Variants in RCSD1 observed in about 807,000 individuals in gnomAD.
RCSD1 encodes the protein capZ-interacting protein.
Under a neutral mutation model 42.5 loss-of-function variants are expected in RCSD1, and 26 were observed. The observed-to-expected ratio is 0.61, with a 90% CI of 0.45 to 0.85. RCSD1 has a LOEUF of 0.85. Ranked by LOEUF, RCSD1 falls within the 40% of genes least tolerant of loss-of-function variation. The pLI is 0.00. For synonymous variants in RCSD1, 220 were observed against 212.2 expected, an observed-to-expected ratio of 1.04 and a Z score of -0.32; for missense variants, 571 against 528.3, an observed-to-expected ratio of 1.08 and a Z score of -0.79.
At chr1:167,668,967 G>T (rs1005244757) in intron 1 of RCSD1, among the ~76,000 whole-genome samples, 1 of 152,174 alleles carries the variant, frequency 6.6e-6, no homozygotes, top group African/African-American at 2.4e-5. Flanking sequence ...ACAGATTTGT[G>T]AATTCAGTAA....
At position 167,708,432 on chromosome 1, in the gene RCSD1, T is replaced by C. The variant is rs1283835937; in HGVS notation, c.*3736T>C. Among the ~76,000 whole-genome samples the C allele has an allele frequency of 6.6e-6, 1 of 152,218 alleles. No homozygotes were observed. Among genetic ancestry groups the C allele is most frequent in the Non-Finnish European group, 1.5e-5 (1 of 68,036 alleles). ...CTCGATGGACCACGTGAAAAAAGGA[T>C]AAACAATGTCTCTATATAATGCATG... On this transcript the variant is annotated 3_prime_UTR_variant, in exon 7 of 7. Transcript: ENST00000367854.
intron 1 of RCSD1, among the ~76,000 whole-genome samples, chr1:167,655,086 G>T (rs767624478): frequency 2.0e-5 from 3 of 152,142 alleles, no homozygotes; most frequent in African/African-American, 7.2e-5. Flanking sequence ...TCTTGTTTCC[G>T]AAGCTGGATG....
intron 1 of RCSD1, among the ~76,000 whole-genome samples, chr1:167,668,224 G>A (rs1658707447): frequency 6.6e-6 from 1 of 151,954 alleles, no homozygotes; most frequent in Non-Finnish European, 1.5e-5. Context: ...GGCGGAGGTT[G>A]CAGTAAGCTG....
intron 1 of RCSD1, 67 bp downstream of exon 1, chr1:167,630,496 G>A (rs1571660568): frequency 1.2e-5 from 18 of 1,458,262 alleles, no homozygotes; most frequent in African/African-American, 1.0e-4. Context: ...CCTTCCCCGG[G>A]CGGCTGCCCC....
intron 5 of RCSD1, among the ~76,000 whole-genome samples, chr1:167,695,598 G>C (rs1659480291): frequency 6.7e-6 from 1 of 150,022 alleles, no homozygotes; most frequent in Non-Finnish European, 1.5e-5. Context: ...GAGTGCAGTG[G>C]TGCGATATTG....
chr1:167,672,879 C>A (rs909742439), intron 1 of RCSD1, among the ~76,000 whole-genome samples: 3 of 152,128 alleles, frequency 2.0e-5, no homozygotes, highest in Non-Finnish European at 2.9e-5. Context: ...AGGTATAGAC[C>A]ATGCTCATCC....
At chr1:167,690,992 CAG>C in intron 4 of RCSD1, among the ~76,000 whole-genome samples, 1 of 152,304 alleles carries the variant, frequency 6.6e-6, no homozygotes, top group Middle Eastern at 3.4e-3. Flanking sequence ...CTTGTGGAGA[CAG>C]AGCTTTCACA....
chr1:167,644,789 G>C (rs76070826), intron 1 of RCSD1, among the ~76,000 whole-genome samples: 29 of 152,176 alleles, frequency 1.9e-4, no homozygotes, highest in African/African-American at 4.8e-5. Context: ...AAACAGCTGC[G>C]GGGATTGGAC....
At chr1:167,656,383 C>T (rs1456625034) in intron 1 of RCSD1, among the ~76,000 whole-genome samples, 1 of 152,200 alleles carries the variant, frequency 6.6e-6, no homozygotes, top group Non-Finnish European at 1.5e-5. Context: ...AACCAAGAGA[C>T]ACCTCCTTGT....
At chr1:167,691,497 T>C (rs7535115) in intron 4 of RCSD1, among the ~76,000 whole-genome samples, 26,757 of 151,652 alleles carry the variant, frequency 0.18, 4,325 homozygotes, top group African/African-American at 0.43. Flanking sequence ...GTAGGAGAGG[T>C]TCCTGTTCTC....
chr1:167,702,548 G>A (rs1218616965), intron 6 of RCSD1, among the ~76,000 whole-genome samples: 2 of 152,210 alleles, frequency 1.3e-5, no homozygotes, highest in Non-Finnish European at 2.9e-5. Context: ...GGAGGCTGAG[G>A]CGGGCAGATC....
chr1:167,702,132 G>A (rs1659658595), intron 6 of RCSD1, among the ~76,000 whole-genome samples: 2 of 152,204 alleles, frequency 1.3e-5, no homozygotes, highest in African/African-American at 4.8e-5. Context: ...GAAGACAGAG[G>A]CATAAACAAA....
At chr1:167,674,127 T>C (rs1413270888) in intron 1 of RCSD1, among the ~76,000 whole-genome samples, 1 of 152,244 alleles carries the variant, frequency 6.6e-6, no homozygotes, top group Non-Finnish European at 1.5e-5. Flanking sequence ...CATAAGGTGT[T>C]CAATAAATAT....
At chr1:167,636,679 C>T (rs372306069) in intron 1 of RCSD1, among the ~76,000 whole-genome samples, 14 of 152,210 alleles carry the variant, frequency 9.2e-5, no homozygotes, top group Middle Eastern at 3.4e-3. Flanking sequence ...AACCTCCTCC[C>T]GGGTTCAGGC....
At chr1:167,700,505 G>T (rs1036472145) in intron 6 of RCSD1, among the ~76,000 whole-genome samples, 1 of 152,042 alleles carries the variant, frequency 6.6e-6, no homozygotes, top group African/African-American at 2.4e-5. Context: ...AAAAAAATTA[G>T]CCAGGCGTGG....
At chr1:167,661,141 A>G (rs1658533241) in intron 1 of RCSD1, among the ~76,000 whole-genome samples, 1 of 152,250 alleles carries the variant, frequency 6.6e-6, no homozygotes, top group South Asian at 2.1e-4. Context: ...TTAAATAAAC[A>G]TTGGTTTATA....
chr1:167,697,416 C>G lies in RCSD1; in HGVS notation c.792C>G (p.Ala264=). The change falls in exon 6 of 7, where the codon GCC becomes GCG. Residue 264 remains alanine (A), a synonymous_variant. Coordinates refer to ENST00000367854, the MANE Select transcript of RCSD1 (RefSeq NM_052862.4). The part of the protein sequence containing the change: ...ATEEAKNGEK[A]RRSSEEVDGQ... ...AGGAAGCCAAGAACGGTGAAAAGGC[C>G]AGGCGGAGTTCAGAGGAGGTGGACG... 6.2e-7 allele frequency: 1 copy of G among 1,612,964 alleles called. No individual in the cohort carries two copies. Among genetic ancestry groups the G allele is most frequent in the South Asian group, 1.1e-5 (1 of 90,906 alleles).
At chr1:167,693,908 G>A (rs1391766519) in intron 4 of RCSD1, among the ~76,000 whole-genome samples, 191 bp from the exon 5 acceptor site, 1 of 149,776 alleles carries the variant, frequency 6.7e-6, no homozygotes. Context: ...AGGTAGCAGA[G>A]GAGGATAGAG....
chr1:167,677,129 T>A (rs1658971510), intron 1 of RCSD1, among the ~76,000 whole-genome samples: 1 of 152,252 alleles, frequency 6.6e-6, no homozygotes, highest in Non-Finnish European at 1.5e-5. Context: ...TATGCTTGTT[T>A]CAATTCCTCT....
Sources: allele counts gnomAD v4.1 joint callset (sites outside exome capture counted in the v4.1 genomes callset), GRCh38; gene constraint gnomAD v4.1.1; transcripts MANE v1.5; gene names NCBI Gene and HGNC (gene_info 2026-07-23, HGNC 2026-07-21).